The following PDPK1 variants were observed in gnomAD, a reference collection of about 807,000 sequenced individuals.
PDPK1 encodes 3-phosphoinositide-dependent protein kinase 1.
In PDPK1, 7 loss-of-function variants were observed where a neutral mutation model predicts 39.8. The ratio of observed to expected loss-of-function variants is 0.18; its 90% CI spans 0.10 to 0.33. The LOEUF (loss-of-function observed/expected upper bound fraction) is 0.33, where lower values mean the gene tolerates loss of function less well. Ranked by LOEUF, PDPK1 falls within the 10% of genes least tolerant of loss-of-function variation. The pLI, the probability that PDPK1 is intolerant of heterozygous loss-of-function variation, is 1.00. For synonymous variants in PDPK1, 118 were observed against 159.1 expected, an observed-to-expected ratio of 0.74 and a Z score of 1.95; for missense variants, 182 against 384.7, an observed-to-expected ratio of 0.47 and a Z score of 4.41.
Position 2,602,673 on chromosome 16 carries a change from A to G in PDPK1, c.*4906A>G, listed in dbSNP as rs527745262. The G allele has an allele frequency of 8.1e-5, 19 of 234,828 alleles. No homozygotes were observed. Among genetic ancestry groups the G allele is most frequent in the East Asian group, 2.4e-4 (4 of 16,596 alleles). The allele number at this position is 234,828 out of a possible 1,614,324, so 14.5% of individuals were successfully genotyped here. ...TGCTGTAGCTGTTCCTTCACAACAT[A>G]AAATAGGATAAATGACTAGTACGTC... On this transcript the variant is annotated 3_prime_UTR_variant, in exon 14 of 14. Transcript: ENST00000342085.
intron 1 of PDPK1, among the ~76,000 whole-genome samples, chr16:2,545,488 C>G (rs2066325731): frequency 6.6e-6 from 1 of 151,810 alleles, no homozygotes; most frequent in African/African-American, 2.4e-5. Flanking sequence ...CCTGTGCCAC[C>G]ACACCTGGCT....
chr16:2,592,323 G>T (rs565477240), intron 11 of PDPK1, among the ~76,000 whole-genome samples: 1 of 152,326 alleles, frequency 6.6e-6, no homozygotes, highest in East Asian at 1.9e-4. Flanking sequence ...AGATGGCGGT[G>T]TATGAGAGTG....
intron 12 of PDPK1, among the ~76,000 whole-genome samples, chr16:2,596,348 T>C (rs111231731): frequency 0.028 from 4,189 of 152,238 alleles, 192 homozygotes; most frequent in African/African-American, 0.093. Flanking sequence ...CCCGCCACCA[T>C]GCCCGGCTAA....
At position 2,600,820 on chromosome 16, in the gene PDPK1, T is replaced by C. The variant is rs561803954; in HGVS notation, c.*3053T>C. 20 of 193,334 alleles carry C rather than the reference T, an allele frequency of 1.0e-4. No individual in the cohort carries two copies. In the East Asian group the frequency reaches 1.2e-3, roughly 11 times the overall value. 12.0% of individuals were successfully genotyped at this position (193,334 alleles called of 1,614,324 possible). On this transcript the variant is annotated 3_prime_UTR_variant, in exon 14 of 14. Coordinates refer to ENST00000342085, the MANE Select transcript of PDPK1 (RefSeq NM_002613.5). ...AGGCTCACCGGCCAGAGAAGACCAC[T>C]GTGAGCATTTTGCCGTATATCCTGC... is the stretch of plus-strand genomic sequence containing the variant.
chr16:2,543,888 A>ATTTTTTTT (rs11422907), intron 1 of PDPK1, among the ~76,000 whole-genome samples: 1 of 134,806 alleles, frequency 7.4e-6, no homozygotes. Context: ...CACCCGGCTA[A>ATTTTTTTT]TTTTTTTTTT....
In PDPK1 at chr16:2,600,156, T is replaced by C. The variant is rs1473010035; in HGVS notation, c.*2389T>C. On this transcript the variant is annotated 3_prime_UTR_variant, in exon 14 of 14. Transcript: ENST00000342085. Reference sequence around the variant, plus strand: ...CTACCACATCCTTAGAGCCATCACCTGGCACGCAGGCGCCTTACATTCTAC... The same window carrying C: ...CTACCACATCCTTAGAGCCATCACCCGGCACGCAGGCGCCTTACATTCTAC... 4.3e-6 allele frequency: 1 copy of C among 233,148 alleles called. No individual in the cohort carries two copies. Among genetic ancestry groups the C allele is most frequent in the African/African-American group, 2.2e-5 (1 of 45,358 alleles). The allele number at this position is 233,148 out of a possible 1,614,324, so 14.4% of individuals were successfully genotyped here.
intron 1 of PDPK1, among the ~76,000 whole-genome samples, chr16:2,542,040 T>G (rs537806352): frequency 3.3e-5 from 5 of 152,118 alleles, no homozygotes; most frequent in Non-Finnish European, 2.9e-5. Flanking sequence ...TCTAGACAAT[T>G]TTCCTGATAT....
intron 11 of PDPK1, among the ~76,000 whole-genome samples, chr16:2,591,865 G>A (rs939015071): frequency 3.9e-5 from 6 of 152,254 alleles, no homozygotes; most frequent in Non-Finnish European, 7.3e-5. Context: ...ATTTGAAAAT[G>A]TCTCAGTTTT....
intron 7 of PDPK1, among the ~76,000 whole-genome samples, chr16:2,580,439 G>C (rs909794276): frequency 6.9e-6 from 1 of 144,032 alleles, no homozygotes; most frequent in Non-Finnish European, 1.5e-5. Flanking sequence ...GAATTCCTCG[G>C]TGTGGATTTC....
chr16:2,588,338 C>G (rs1304308519), intron 11 of PDPK1, among the ~76,000 whole-genome samples: 1 of 152,186 alleles, frequency 6.6e-6, no homozygotes, highest in Non-Finnish European at 1.5e-5. Flanking sequence ...CAGCTCCAAG[C>G]AGCAAGGAGG....
At chr16:2,573,705 C>T (rs1159219363) in intron 6 of PDPK1, among the ~76,000 whole-genome samples, 1 of 113,926 alleles carries the variant, frequency 8.8e-6, no homozygotes, top group Non-Finnish European at 1.7e-5. Flanking sequence ...GCACTCCAGC[C>T]TGGGCAACAG....
At chr16:2,586,652 C>G (rs1343733079) in intron 10 of PDPK1, 24 bp from the exon 11 acceptor site, 1 of 1,606,150 alleles carries the variant, frequency 6.2e-7, no homozygotes, top group Admixed American at 1.7e-5. Flanking sequence ...AGGTGCGGTT[C>G]TCACTTTCCC....
intron 1 of PDPK1, among the ~76,000 whole-genome samples, chr16:2,540,637 T>C (rs565258807): frequency 6.6e-6 from 1 of 152,226 alleles, no homozygotes; most frequent in Non-Finnish European, 1.5e-5. Context: ...AGGGGTGTCT[T>C]CATATGGAAG....
At chr16:2,544,836 G>A (rs113471732) in intron 1 of PDPK1, among the ~76,000 whole-genome samples, 3,151 of 151,742 alleles carry the variant, frequency 0.021, 122 homozygotes, top group African/African-American at 0.073. Flanking sequence ...CGCCCACCTC[G>A]GCCTCCCAAA....
chr16:2,542,700 G>A (rs1223628557), intron 1 of PDPK1, among the ~76,000 whole-genome samples: 2 of 152,266 alleles, frequency 1.3e-5, no homozygotes, highest in Non-Finnish European at 2.9e-5. Flanking sequence ...CTCTCTACCA[G>A]CCACCGTGCT....
chr16:2,601,434 C>T lies in PDPK1; in HGVS notation c.*3667C>T, dbSNP rs867989417. The T allele has an allele frequency of 4.3e-6, 1 of 234,610 alleles. No individual in the cohort carries two copies. Among genetic ancestry groups the T allele is most frequent in the East Asian group, 6.0e-5 (1 of 16,564 alleles). The allele number at this position is 234,610 out of a possible 1,614,324, so 14.5% of individuals were successfully genotyped here. ...GCTCTGCCTGCATGTCAGCTCTCTG[C>T]CCTCCCTGCTGCCGTGGCTTTCAAG... On this transcript the variant is annotated 3_prime_UTR_variant, in exon 14 of 14. Transcript: ENST00000342085.
chr16:2,545,586 C>T (rs190308054), intron 1 of PDPK1, among the ~76,000 whole-genome samples: 103 of 152,190 alleles, frequency 6.8e-4, no homozygotes, highest in Admixed American at 3.4e-3. Context: ...CCTCCGCCTC[C>T]TGGGTTCAAG....
At chr16:2,551,908 C>G (rs1310363240) in intron 1 of PDPK1, among the ~76,000 whole-genome samples, 7 of 151,372 alleles carry the variant, frequency 4.6e-5, no homozygotes, top group African/African-American at 1.7e-4. Context: ...TCAGATGATG[C>G]GCCTGCCTCG....
chr16:2,597,414 C>T lies in PDPK1; in HGVS notation c.1554+139C>T, dbSNP rs563055958. On this transcript the variant is annotated intron_variant, in intron 13 of 13. Coordinates refer to ENST00000342085, the MANE Select transcript of PDPK1 (RefSeq NM_002613.5). The surrounding 1 kb of genome is among the most constrained non-coding windows in gnomAD (Gnocchi z 6.3). Reference sequence around the variant, plus strand: ...TCGCCCTTTCCGACATCCCAGACGCCCACACTAGTGGCTCAGTCCTGAGGG... The same window carrying T: ...TCGCCCTTTCCGACATCCCAGACGCTCACACTAGTGGCTCAGTCCTGAGGG... The T allele has an allele frequency of 1.7e-5, 14 of 814,482 alleles. No homozygotes were observed. In the African/African-American group the frequency reaches 1.9e-4, roughly 11 times the overall value. The allele number at this position is 814,482 out of a possible 1,614,324, so 50.5% of individuals were successfully genotyped here. A position where few individuals can be genotyped will look rare whatever the true frequency, so the allele number is the denominator to read the frequency against.
Sources: gnomAD v4.1 joint callset for allele counts (sites outside exome capture counted in the v4.1 genomes callset) on GRCh38, gnomAD v4.1.1 for gene constraint, Gnocchi (gnomAD v3.1) non-coding constraint, MANE v1.5 for transcripts, NCBI Gene and HGNC (gene_info 2026-07-23, HGNC 2026-07-21) for gene names.